PTPRN2: variants seen among roughly 807,000 people sequenced by gnomAD.
PTPRN2 encodes receptor-type tyrosine-protein phosphatase N2.
PTPRN2 carries 74 observed loss-of-function variants against 118.8 expected under a neutral mutation model. That is an observed-to-expected ratio of 0.62 (90% CI 0.52 to 0.76). The LOEUF is 0.76. PTPRN2 is among the 30% of genes least tolerant of loss of function. The pLI is 0.00. For synonymous variants in PTPRN2, 641 were observed against 608.0 expected (o/e 1.05, Z -0.80); for missense variants, 1,481 against 1,394.4 (o/e 1.06, Z -0.99).
chr7:158,122,964 G>A (rs1318815814), intron 9 of PTPRN2, among the ~76,000 whole-genome samples: 8 of 152,258 alleles, frequency 5.3e-5, no homozygotes, highest in East Asian at 1.9e-4. Context: ...AACAGGACCC[G>A]CCATGACCGA....
At chr7:157,754,752 G>A (rs1801683019) in intron 12 of PTPRN2, among the ~76,000 whole-genome samples, 1 of 152,224 alleles carries the variant, frequency 6.6e-6, no homozygotes, top group African/African-American at 2.4e-5. Context: ...TGTAGTTATT[G>A]GGATGCCACG....
chr7:158,123,034 T>C (rs1192483048), intron 9 of PTPRN2, among the ~76,000 whole-genome samples: 1 of 152,200 alleles, frequency 6.6e-6, no homozygotes, highest in African/African-American at 2.4e-5. Flanking sequence ...TGGGACATTT[T>C]ACTATTTACT....
chr7:158,533,120 A>G (rs1344784369), intron 1 of PTPRN2, among the ~76,000 whole-genome samples: 1 of 152,244 alleles, frequency 6.6e-6, no homozygotes, highest in African/African-American at 2.4e-5. Context: ...CAACCACGGG[A>G]GCTTGAAAAC....
At chr7:157,899,571 G>C (rs1797321933) in intron 11 of PTPRN2, among the ~76,000 whole-genome samples, 1 of 152,152 alleles carries the variant, frequency 6.6e-6, no homozygotes, top group African/African-American at 2.4e-5. Context: ...AGAGTGCCTT[G>C]CAATTGTGAT....
chr7:157,948,232 G>A (rs1019691365), intron 11 of PTPRN2, among the ~76,000 whole-genome samples: 1 of 152,156 alleles, frequency 6.6e-6, no homozygotes, highest in Non-Finnish European at 1.5e-5. Context: ...AAAGACAAAT[G>A]CATAAAACAA....
At chr7:157,725,468 G>A (rs1223732265) in intron 12 of PTPRN2, among the ~76,000 whole-genome samples, 7 of 93,280 alleles carry the variant, frequency 7.5e-5, no homozygotes, top group African/African-American at 2.7e-4. Flanking sequence ...AGAGGAGTGA[G>A]CCAGACCCTC....
rs1801799371 is a variant in PTPRN2 at position 157,603,425 on chromosome 7, A to G, written c.2418+577T>C. Reference sequence around the variant, plus strand: ...AGGGACTCATAACTCACGGCACAGGAGCTGCCACCACACTCGTCCCCAGAA... The same window carrying G: ...AGGGACTCATAACTCACGGCACAGGGGCTGCCACCACACTCGTCCCCAGAA... On this transcript the variant is annotated intron_variant, in intron 16 of 22. Transcript: ENST00000389418. This position sits in a 1 kb window ranked among gnomAD's most constrained non-coding sequence, Gnocchi z 5.4. Among the ~76,000 whole-genome samples the G allele has an allele frequency of 6.6e-6, 1 of 152,206 alleles. No individual in the cohort carries two copies. The highest frequency in any genetic ancestry group is 1.5e-5 in the Non-Finnish European group (1 of 68,030).
At chr7:157,814,639 C>T (rs1806279778) in intron 12 of PTPRN2, among the ~76,000 whole-genome samples, 1 of 152,214 alleles carries the variant, frequency 6.6e-6, no homozygotes. Flanking sequence ...CCATCTGCCA[C>T]CCTCTGCCCA....
intron 11 of PTPRN2, among the ~76,000 whole-genome samples, chr7:158,009,712 C>T (rs1277848845): frequency 1.3e-5 from 2 of 152,174 alleles, no homozygotes; most frequent in African/African-American, 4.8e-5. Flanking sequence ...CCTGCCTGGG[C>T]ACAGCTCTTT....
chr7:158,001,851 G>A (rs1352751944), intron 11 of PTPRN2, among the ~76,000 whole-genome samples: 2 of 152,240 alleles, frequency 1.3e-5, no homozygotes, highest in Non-Finnish European at 2.9e-5. Flanking sequence ...GCACCGAGGA[G>A]GTGCTCAGTA....
intron 3 of PTPRN2, among the ~76,000 whole-genome samples, chr7:158,222,674 C>A (rs1352497152): frequency 1.3e-5 from 2 of 152,106 alleles, no homozygotes; most frequent in Non-Finnish European, 2.9e-5. Flanking sequence ...TAACAACACA[C>A]AATTCACCCA....
At chr7:158,484,993 C>T (rs1234712436) in intron 2 of PTPRN2, among the ~76,000 whole-genome samples, 1 of 152,158 alleles carries the variant, frequency 6.6e-6, no homozygotes, top group Non-Finnish European at 1.5e-5. Flanking sequence ...CGCAAGGGCA[C>T]CCCTCCCAGC....
chr7:158,319,402 A>ACACACAGCCTCCCCC (rs1802628147), intron 2 of PTPRN2, among the ~76,000 whole-genome samples: 1 of 33,306 alleles, frequency 3.0e-5, no homozygotes, highest in African/African-American at 1.1e-4. Flanking sequence ...AGCCTCCCAC[A>ACACACAGCCTCCCCC]CACACACACA....
chr7:158,046,433 T>C (rs1007651630), intron 11 of PTPRN2, among the ~76,000 whole-genome samples: 1 of 151,010 alleles, frequency 6.6e-6, no homozygotes, highest in African/African-American at 2.4e-5. Flanking sequence ...ACTGCGATCC[T>C]GGCATCCTGA....
rs1397155963 is a variant in PTPRN2 at position 157,959,354 on chromosome 7, AATTGCACTTT to A, written c.1724-60627_1724-60618del. On this transcript the variant is annotated intron_variant, in intron 11 of 22. Transcript: ENST00000389418. The stretch of plus-strand genomic sequence containing the variant: ...CACAGGCAACAAAGAAAAATAAACA[AATTGCACTTT>A]ATTGCACTTTATCAAAATTAAAACC... Among the ~76,000 whole-genome samples the A allele has an allele frequency of 3.3e-5, 5 of 152,208 alleles. No homozygotes were observed. The East Asian group carries it at 7.7e-4, about 23-fold the overall frequency.
rs117888850 is a variant in PTPRN2 at position 158,562,018 on chromosome 7, G to A, written c.112+25540C>T. Among the ~76,000 whole-genome samples, 536 of 152,232 alleles carry A rather than the reference G, an allele frequency of 3.5e-3. 1 individual carries two copies. The highest frequency in any genetic ancestry group is 6.2e-3 in the Non-Finnish European group (425 of 68,002). On this transcript the variant is annotated intron_variant, in intron 1 of 22. Transcript: ENST00000389418. ...TCTCGTGCGAAGAGATTCACAAAGG[G>A]GCCAATGAACACATGTCTTTTGAGA... is the stretch of plus-strand genomic sequence containing the variant.
intron 11 of PTPRN2, among the ~76,000 whole-genome samples, chr7:158,021,738 C>T (rs1479895417): frequency 6.6e-6 from 1 of 152,166 alleles, no homozygotes; most frequent in Non-Finnish European, 1.5e-5. Context: ...CTCTGATGTC[C>T]AGCCTCCATA....
At chr7:158,242,660 C>T (rs1345951855) in intron 3 of PTPRN2, among the ~76,000 whole-genome samples, 2 of 152,170 alleles carry the variant, frequency 1.3e-5, no homozygotes, top group African/African-American at 4.8e-5. Flanking sequence ...AACATCCGTT[C>T]GTGGGCATTA....
At chr7:157,963,979 A>G (rs1226558874) in intron 11 of PTPRN2, among the ~76,000 whole-genome samples, 1 of 152,176 alleles carries the variant, frequency 6.6e-6, no homozygotes, top group Non-Finnish European at 1.5e-5. Flanking sequence ...GAGCCACTGC[A>G]CCCAGTCATT....
Sources: gnomAD v4.1 joint callset for allele counts (sites outside exome capture counted in the v4.1 genomes callset) on GRCh38, gnomAD v4.1.1 for gene constraint, Gnocchi (gnomAD v3.1) non-coding constraint, MANE v1.5 for transcripts, NCBI Gene and HGNC (gene_info 2026-07-23, HGNC 2026-07-21) for gene names.